Variants in DRC8 observed in about 807,000 individuals in gnomAD.
DRC8 encodes the protein dynein regulatory complex subunit 8.
the DRC8 span, chr1:245,087,509 G>GTC: frequency 7.3e-7 from 1 of 1,366,010 alleles, no homozygotes; most frequent in South Asian, 1.8e-5. Flanking sequence ...AAAGATGATC[G>GTC]TAACACTTTA....
chr1:244,990,489 C>G, the DRC8 span, among the ~76,000 whole-genome samples: 1 of 152,172 alleles, frequency 6.6e-6, no homozygotes, highest in South Asian at 2.1e-4. Flanking sequence ...ATCATTCATT[C>G]CTGTCAGTAT....
the DRC8 span, chr1:244,970,671 C>G: frequency 2.0e-6 from 1 of 501,494 alleles, no homozygotes; most frequent in African/African-American, 2.2e-5. Flanking sequence ...TCTCCCCCGC[C>G]CCGCCCCGCC....
the DRC8 span, among the ~76,000 whole-genome samples, chr1:245,042,740 G>A: frequency 6.6e-6 from 1 of 150,474 alleles, no homozygotes; most frequent in Non-Finnish European, 1.5e-5. Flanking sequence ...ATTTTTTTTT[G>A]TCTCTTATAA....
chr1:244,993,307 G>A, the DRC8 span, among the ~76,000 whole-genome samples: 4 of 152,118 alleles, frequency 2.6e-5, no homozygotes, highest in East Asian at 3.9e-4. Flanking sequence ...CACGTTTCTC[G>A]CACATGTAGA....
the DRC8 span, among the ~76,000 whole-genome samples, chr1:245,056,942 A>AAAAAAAAAG: frequency 4.6e-5 from 7 of 151,770 alleles, no homozygotes; most frequent in Admixed American, 1.3e-4. Flanking sequence ...TCTCAAAAAA[A>AAAAAAAAAG]AAAAGAAAAA....
the DRC8 span, among the ~76,000 whole-genome samples, chr1:245,066,166 T>A: frequency 6.6e-6 from 1 of 152,260 alleles, no homozygotes; most frequent in African/African-American, 2.4e-5. Flanking sequence ...CCTAAGTAGG[T>A]GTATGATTAT....
chr1:245,062,858 T>C, the DRC8 span, among the ~76,000 whole-genome samples: 7 of 152,228 alleles, frequency 4.6e-5, no homozygotes, highest in African/African-American at 1.7e-4. Context: ...GTCTGCTCAT[T>C]ATATGAGGCC....
chr1:245,073,428 G>A, the DRC8 span, among the ~76,000 whole-genome samples: 2 of 152,076 alleles, frequency 1.3e-5, no homozygotes, highest in Non-Finnish European at 2.9e-5. Flanking sequence ...GAGCTACTGC[G>A]CCCGGCCAGC....
chr1:245,016,225 C>G, the DRC8 span, among the ~76,000 whole-genome samples: 1 of 152,162 alleles, frequency 6.6e-6, no homozygotes, highest in Non-Finnish European at 1.5e-5. Flanking sequence ...AGGTGAACCA[C>G]CCTCCTCGGC....
At chr1:245,110,175 G>C in the DRC8 span, among the ~76,000 whole-genome samples, 1 of 152,090 alleles carries the variant, frequency 6.6e-6, no homozygotes, top group African/African-American at 2.4e-5. Flanking sequence ...TTGAGGTCAG[G>C]AGTTCGAGAC....
the DRC8 span, among the ~76,000 whole-genome samples, chr1:244,998,880 G>A: frequency 2.0e-5 from 3 of 152,038 alleles, no homozygotes; most frequent in South Asian, 6.2e-4. Flanking sequence ...TCAAAATCTT[G>A]CACAAGAACA....
chr1:244,970,571 G>T, the DRC8 span: 1 of 1,273,848 alleles, frequency 7.9e-7, no homozygotes, highest in Non-Finnish European at 1.0e-6. Flanking sequence ...AGGGCGGCCT[G>T]AGGAGGGGGC....
chr1:245,017,455 A>G, the DRC8 span: 4 of 976,438 alleles, frequency 4.1e-6, no homozygotes, highest in Non-Finnish European at 1.4e-6. Flanking sequence ...TTTATTTTCC[A>G]TGCTCCGTAA....
At chr1:245,012,326 TTAA>T in the DRC8 span, among the ~76,000 whole-genome samples, 5 of 151,806 alleles carry the variant, frequency 3.3e-5, no homozygotes, top group South Asian at 2.1e-4. Flanking sequence ...TTCTAGATTA[TTAA>T]TAATAATAAT....
At chr1:245,087,320 A>G in the DRC8 span, 1 of 1,611,168 alleles carries the variant, frequency 6.2e-7, no homozygotes. Context: ...TCAATTAATT[A>G]CAAGGACTAT....
chr1:244,998,413 T>A, the DRC8 span, among the ~76,000 whole-genome samples: 2 of 152,102 alleles, frequency 1.3e-5, no homozygotes, highest in Non-Finnish European at 2.9e-5. Context: ...GAGGTCTTGC[T>A]ATGTTGCCCG....
the DRC8 span, among the ~76,000 whole-genome samples, chr1:244,982,265 A>G: frequency 6.6e-6 from 1 of 152,258 alleles, no homozygotes; most frequent in Non-Finnish European, 1.5e-5. Context: ...GCTAATAGGC[A>G]AGAAAAACAG....
chr1:245,105,673 T>G, the DRC8 span, among the ~76,000 whole-genome samples: 1 of 151,942 alleles, frequency 6.6e-6, no homozygotes, highest in Non-Finnish European at 1.5e-5. Flanking sequence ...GATAATATTC[T>G]GCCATCAACT....
chr1:244,983,457 G>A, the DRC8 span, among the ~76,000 whole-genome samples: 7 of 151,890 alleles, frequency 4.6e-5, no homozygotes, highest in African/African-American at 1.5e-4. Flanking sequence ...AAAAGTAATC[G>A]GGCCTGGCGT....
Sources: allele counts gnomAD v4.1 joint callset (sites outside exome capture counted in the v4.1 genomes callset), GRCh38; gene constraint gnomAD v4.1.1; transcripts MANE v1.5; gene names NCBI Gene and HGNC (gene_info 2026-07-23, HGNC 2026-07-21).